ABCC9: variants seen among roughly 807,000 people sequenced by gnomAD.
ABCC9 encodes ATP-binding cassette sub-family C member 9.
Under a neutral mutation model 188.3 loss-of-function variants are expected in ABCC9, and 95 were observed. The ratio of observed to expected loss-of-function variants is 0.50; its 90% CI spans 0.43 to 0.60. ABCC9 has a LOEUF of 0.60. Among genes scored for constraint, ABCC9 ranks in the 20% least tolerant of loss-of-function variants. ABCC9 has a pLI of 0.00. For synonymous variants in ABCC9, 659 were observed against 652.7 expected (o/e 1.01, Z -0.15); for missense variants, 1,102 against 1,876.3 (o/e 0.59, Z 7.62).
intron 31 of ABCC9, among the ~76,000 whole-genome samples, chr12:21,819,520 C>T (rs1382277485): frequency 6.6e-6 from 1 of 152,186 alleles, no homozygotes; most frequent in Non-Finnish European, 1.5e-5. Flanking sequence ...GGTTCAGACA[C>T]TGACCTTGCC....
chr12:21,799,369 A>G lies in ABCC9; in HGVS notation c.*1675T>C, dbSNP rs1316724650. The G allele has an allele frequency of 1.3e-5, 2 of 152,196 alleles. No homozygotes were observed. Among genetic ancestry groups the G allele is most frequent in the Non-Finnish European group, 2.9e-5 (2 of 68,024 alleles). The allele number at this position is 152,196 out of a possible 1,614,324, so 9.4% of individuals were successfully genotyped here. ...CAATATGCATATTCTGCCCTACAAA[A>G]TATTTAAACACCATTTTAGGAGAGT... On this transcript the variant is annotated 3_prime_UTR_variant, in exon 40 of 40. Transcript: ENST00000261200.
At chr12:21,860,091 TA>T (rs34184072) in intron 21 of ABCC9, among the ~76,000 whole-genome samples, 22 of 150,872 alleles carry the variant, frequency 1.5e-4, no homozygotes, top group Admixed American at 4.0e-4. Context: ...ACTTACACTT[TA>T]AAAAAAAAAC....
chr12:21,936,066 C>T (rs959858504), intron 3 of ABCC9, among the ~76,000 whole-genome samples: 7 of 152,112 alleles, frequency 4.6e-5, no homozygotes, highest in African/African-American at 1.4e-4. Flanking sequence ...ATCTTCCCCA[C>T]CACCTCCAAA....
intron 12 of ABCC9, among the ~76,000 whole-genome samples, chr12:21,896,507 A>G (rs1337829833): frequency 6.6e-6 from 1 of 152,150 alleles, no homozygotes; most frequent in African/African-American, 2.4e-5. Context: ...ATAGATAAAC[A>G]TGTGCCATGG....
At position 21,817,903 on chromosome 12, in the gene ABCC9, TA is replaced by T. The variant is rs377009784; in HGVS notation, c.3771+246del. Among the ~76,000 whole-genome samples the T allele has an allele frequency of 2.2e-4, 33 of 151,910 alleles. 1 individual carries two copies. The South Asian group carries it at 5.2e-3, about 24-fold the overall frequency. ...GAGATTTTTTTCCCTTTATTTCTTC[TA>T]AAAAAAATGGATACATACGCAGAAC... On this transcript the variant is annotated intron_variant, in intron 32 of 39. Transcript: ENST00000261200.
intron 16 of ABCC9, among the ~76,000 whole-genome samples, chr12:21,881,208 C>A (rs1337481783): frequency 1.3e-5 from 2 of 152,076 alleles, no homozygotes; most frequent in Non-Finnish European, 2.9e-5. Context: ...TGTGTTGGAG[C>A]ATTTTCTGAG....
Position 21,844,781 on chromosome 12 carries a change from G to T in ABCC9, c.3231C>A (p.Ile1077=), listed in dbSNP as rs1407517588. 1.9e-6 allele frequency: 3 copies of T among 1,613,748 alleles called. No homozygotes were observed. The highest frequency in any genetic ancestry group is 1.6e-4 in the Middle Eastern group (1 of 6,084). ...NLHHNLLNKI[I]LGPIRFFDTT... The stretch of plus-strand genomic sequence containing the variant: ...CACTGTTTTACCTTATTGGTCCAAG[G>T]ATTATCTTATTGAGAAGGTTGTGGT... The change falls in exon 27 of 40, where the codon ATC becomes ATA. Residue 1077 remains isoleucine, a synonymous_variant. Coordinates refer to ENST00000261200, the MANE Select transcript of ABCC9 (RefSeq NM_020297.4).
chr12:21,915,263 A>G (rs534775249), intron 7 of ABCC9, among the ~76,000 whole-genome samples: 3,146 of 101,858 alleles, frequency 0.031, 122 homozygotes, highest in African/African-American at 0.11. Context: ...GTGTGTGTGT[A>G]TATAATGTGT....
At chr12:21,904,814 C>A (rs1947951115) in intron 12 of ABCC9, among the ~76,000 whole-genome samples, 1 of 152,178 alleles carries the variant, frequency 6.6e-6, no homozygotes, top group East Asian at 1.9e-4. Context: ...AATAGGAACA[C>A]TTTTACACTG....
At chr12:21,827,698 C>T (rs915163234) in intron 31 of ABCC9, among the ~76,000 whole-genome samples, 1 of 152,116 alleles carries the variant, frequency 6.6e-6, no homozygotes, top group Non-Finnish European at 1.5e-5. Context: ...TTTATCTATA[C>T]GTAATTCCCA....
Position 21,844,889 on chromosome 12 carries a change from T to A in ABCC9, c.3123A>T (p.Ile1041=). 2 of 1,613,812 alleles carry A rather than the reference T, an allele frequency of 1.2e-6. No homozygotes were observed. Among genetic ancestry groups the A allele is most frequent in the Non-Finnish European group, 1.7e-6 (2 of 1,179,806 alleles). ...AAAGGAAAATGCCTGCTCCACAGAG[T>A]ATGCTAAAGCCAGCCACATAGTAGG... ...DQTYYVAGFS[I]LCGAGIFLCL... is the part of the protein sequence containing the mutation. The change falls in exon 27 of 40, where the codon ATA becomes ATT. Residue 1041 remains isoleucine, a synonymous_variant. Coordinates refer to ENST00000261200, the MANE Select transcript of ABCC9 (RefSeq NM_020297.4).
At position 21,844,820 on chromosome 12, in the gene ABCC9, A is replaced by T. The variant is rs374811560; in HGVS notation, c.3192T>A (p.Ala1064=). The T allele has an allele frequency of 3.7e-6, 6 of 1,613,904 alleles. No individual in the cohort carries two copies. The African/African-American group carries it at 8.0e-5, about 22-fold the overall frequency. The part of the protein sequence containing the change: ...SLTVEWMGLT[A]AKNLHHNLLN... ...GAAGGTTGTGGTGAAGATTTTTGGC[A>T]GCTGTGAGACCCATCCATTCTACAG... Residue 1064 remains alanine (A), a synonymous_variant, in exon 27 of 40, where the codon GCT becomes GCA. Coordinates refer to ENST00000261200, the MANE Select transcript of ABCC9 (RefSeq NM_020297.4).
intron 5 of ABCC9, chr12:21,924,311 G>A (rs1233341788): frequency 6.6e-6 from 1 of 152,550 alleles, no homozygotes; most frequent in South Asian, 2.1e-4. Context: ...ATGGAGAGAG[G>A]TATGAATAGA....
chr12:21,840,705 T>G (rs1944335373), intron 29 of ABCC9, among the ~76,000 whole-genome samples: 1 of 152,218 alleles, frequency 6.6e-6, no homozygotes, highest in South Asian at 2.1e-4. Context: ...AAATGTGAAG[T>G]TGATTACTAG....
intron 18 of ABCC9, among the ~76,000 whole-genome samples, chr12:21,870,039 ACTACCCATAC>A (rs1037440271): frequency 3.3e-5 from 5 of 152,162 alleles, no homozygotes; most frequent in African/African-American, 1.2e-4. Flanking sequence ...TTGTTCTGAT[ACTACCCATAC>A]CACATCCTTC....
chr12:21,829,080 G>A lies in ABCC9; in HGVS notation c.3567-20C>T, dbSNP rs74735818. 18 of 1,550,452 alleles carry A rather than the reference G, an allele frequency of 1.2e-5. No individual in the cohort carries two copies. The highest frequency in any genetic ancestry group is 8.4e-5 in the Admixed American group (5 of 59,246). The stretch of plus-strand genomic sequence containing the variant: ...TCATGCCTGCAGAAAACAAAAACAC[G>A]ATGTTAACCACACAACAGGAGAGGT... On this transcript the variant is annotated intron_variant, in intron 30 of 39. Coordinates refer to ENST00000261200, the MANE Select transcript of ABCC9 (RefSeq NM_020297.4).
chr12:21,846,170 A>G (rs1025654278), intron 25 of ABCC9, among the ~76,000 whole-genome samples: 1 of 152,174 alleles, frequency 6.6e-6, no homozygotes, highest in Non-Finnish European at 1.5e-5. Flanking sequence ...AACATCTACA[A>G]TATTGTGACC....
intron 37 of ABCC9, among the ~76,000 whole-genome samples, chr12:21,809,435 G>A (rs113063635): frequency 6.6e-5 from 10 of 152,134 alleles, no homozygotes; most frequent in African/African-American, 2.4e-4. Flanking sequence ...GCTACTAATG[G>A]GGCAAAATTG....
chr12:21,929,901 G>A (rs931877517), intron 4 of ABCC9, among the ~76,000 whole-genome samples: 1 of 151,972 alleles, frequency 6.6e-6, no homozygotes, highest in Non-Finnish European at 1.5e-5. Flanking sequence ...TGTTACATAT[G>A]TATACATGTG....
Sources: gnomAD v4.1 joint callset for allele counts (sites outside exome capture counted in the v4.1 genomes callset) on GRCh38, gnomAD v4.1.1 for gene constraint, MANE v1.5 for transcripts, NCBI Gene and HGNC (gene_info 2026-07-23, HGNC 2026-07-21) for gene names.